The following SUPT3H variants were observed in gnomAD, a reference collection of about 807,000 sequenced individuals.
SUPT3H encodes SPT3 homolog, SAGA and STAGA complex component.
A neutral mutation model predicts 44.3 loss-of-function variants in SUPT3H; 44 were observed. The ratio of observed to expected loss-of-function variants is 0.99; its 90% CI spans 0.78 to 1.28. The LOEUF (loss-of-function observed/expected upper bound fraction) is 1.28, where lower values mean the gene tolerates loss of function less well. SUPT3H is among the 50% of genes most tolerant of loss of function. The pLI is 0.00. For synonymous variants in SUPT3H, 124 were observed against 125.6 expected (o/e 0.99, Z 0.09); for missense variants, 380 against 387.1 (o/e 0.98, Z 0.15).
At chr6:45,028,450 ATTTTT>A (rs34404703) in intron 3 of SUPT3H, among the ~76,000 whole-genome samples, 4 of 147,894 alleles carry the variant, frequency 2.7e-5, no homozygotes, top group Non-Finnish European at 6.0e-5. Flanking sequence ...AAGCTTTCAG[ATTTTT>A]TTTTTTTTGA....
chr6:45,020,256 A>AC (rs1784924147), intron 4 of SUPT3H, among the ~76,000 whole-genome samples: 1 of 152,004 alleles, frequency 6.6e-6, no homozygotes, highest in Admixed American at 6.6e-5. Context: ...AACAGAACAT[A>AC]GAGTCAGTAT....
intron 2 of SUPT3H, among the ~76,000 whole-genome samples, chr6:45,276,517 G>C (rs2153664172): frequency 6.6e-6 from 1 of 152,108 alleles, no homozygotes; most frequent in East Asian, 1.9e-4. Flanking sequence ...TTTTCCATGT[G>C]GTTTTGCAAT....
intron 3 of SUPT3H, among the ~76,000 whole-genome samples, chr6:45,028,192 A>G (rs1786328732): frequency 3.3e-5 from 5 of 152,196 alleles, no homozygotes; most frequent in Admixed American, 3.3e-4. Context: ...TAGGATTTCT[A>G]ATACTGGAGA....
intron 2 of SUPT3H, among the ~76,000 whole-genome samples, chr6:45,205,815 A>C (rs6941169): frequency 0.55 from 66,891 of 121,708 alleles, 14,998 homozygotes; most frequent in East Asian, 0.72. Context: ...CAAAACAAAA[A>C]AAAAAACCAG....
At chr6:44,838,917 A>C (rs759903930) in intron 10 of SUPT3H, among the ~76,000 whole-genome samples, 1 of 152,190 alleles carries the variant, frequency 6.6e-6, no homozygotes, top group African/African-American at 2.4e-5. Flanking sequence ...TATATTTCTA[A>C]AACAGAGTTG....
chr6:44,970,157 T>C (rs1303469643), intron 6 of SUPT3H, among the ~76,000 whole-genome samples: 1 of 152,076 alleles, frequency 6.6e-6, no homozygotes, highest in Non-Finnish European at 1.5e-5. Flanking sequence ...CTATCAAGAG[T>C]GGGCATTAAT....
rs1047419948 is a variant in SUPT3H at position 45,246,720 on chromosome 6, C to T, written c.101+118481G>A. 4.6e-5 allele frequency among the ~76,000 whole-genome samples: 7 copies of T among 152,052 alleles called. No homozygotes were observed. In the East Asian group the frequency reaches 1.3e-3, roughly 29 times the overall value. On this transcript the variant is annotated intron_variant, in intron 2 of 10. Transcript: ENST00000371459. The stretch of plus-strand genomic sequence containing the variant: ...CCAAGTAATCAGAAATTGTAAAACA[C>T]GTATCTAAGCAATTCACGGGTCAAG...
intron 2 of SUPT3H, among the ~76,000 whole-genome samples, chr6:45,243,898 T>C (rs1770855672): frequency 6.6e-6 from 1 of 152,220 alleles, no homozygotes; most frequent in South Asian, 2.1e-4. Flanking sequence ...TTAATTTTAT[T>C]TGAGACAAGG....
intron 2 of SUPT3H, among the ~76,000 whole-genome samples, chr6:45,280,859 G>A (rs548616504): frequency 3.9e-5 from 6 of 152,236 alleles, no homozygotes; most frequent in African/African-American, 1.4e-4. Flanking sequence ...CAACAGAGTG[G>A]TTAAACATTC....
chr6:45,021,891 GAAATTT>G (rs1785188593), intron 3 of SUPT3H, among the ~76,000 whole-genome samples: 1 of 151,846 alleles, frequency 6.6e-6, no homozygotes, highest in Non-Finnish European at 1.5e-5. Flanking sequence ...TCTAAATATA[GAAATTT>G]AAATTTAACT....
intron 2 of SUPT3H, among the ~76,000 whole-genome samples, chr6:45,127,621 T>G (rs928865125): frequency 1.3e-5 from 2 of 152,206 alleles, no homozygotes; most frequent in Non-Finnish European, 2.9e-5. Context: ...TTTCTTCATG[T>G]AGCTAGGAGT....
intron 2 of SUPT3H, among the ~76,000 whole-genome samples, chr6:45,241,246 G>T (rs1481947919): frequency 6.6e-6 from 1 of 152,046 alleles, no homozygotes; most frequent in African/African-American, 2.4e-5. Context: ...CCCAAAACTG[G>T]CCATAAACAA....
At chr6:44,826,341 C>CTTGAG (rs1446745675), downstream of SUPT3H, among the ~76,000 whole-genome samples, 3 of 152,174 alleles carry the variant, frequency 2.0e-5, no homozygotes, top group Non-Finnish European at 4.4e-5. Flanking sequence ...AAAGTTTCAT[C>CTTGAG]TTGAGTTTCA....
rs545449482 is a variant in SUPT3H, at chr6:44,993,093, G to A, written c.504+10560C>T. ...CTAGAGGATCGATCAAGCCTGGGAG[G>A]TTGAGGCTGCAGTGAGCTGTGATTG... On this transcript the variant is annotated intron_variant, in intron 6 of 10. Transcript: ENST00000371459. Among the ~76,000 whole-genome samples the A allele has an allele frequency of 2.4e-4, 36 of 152,242 alleles. 1 individual carries two copies. In the South Asian group the frequency reaches 5.4e-3, roughly 23 times the overall value.
intron 2 of SUPT3H, among the ~76,000 whole-genome samples, chr6:45,289,539 T>C (rs1457824590): frequency 6.6e-6 from 1 of 152,194 alleles, no homozygotes. Flanking sequence ...GTTTTTGTCT[T>C]ATCTTCCCTG....
At chr6:45,143,526 T>C (rs1309609204) in intron 2 of SUPT3H, among the ~76,000 whole-genome samples, 1 of 151,936 alleles carries the variant, frequency 6.6e-6, no homozygotes, top group Non-Finnish European at 1.5e-5. Context: ...ACAAAACTCA[T>C]CAAAATCTGG....
chr6:45,179,650 C>T lies in SUPT3H; in HGVS notation c.102-73644G>A, dbSNP rs534961876. Among the ~76,000 whole-genome samples, 217 of 152,276 alleles carry T rather than the reference C, an allele frequency of 1.4e-3. 1 individual carries two copies. Among genetic ancestry groups the T allele is most frequent in the Middle Eastern group, 3.4e-3 (1 of 294 alleles). ...AACCACATGATTATCTCAATAGATG[C>T]AGAAAAGGCCTTTGACAAAATTCAA... On this transcript the variant is annotated intron_variant, in intron 2 of 10. Coordinates refer to ENST00000371459, the MANE Select transcript of SUPT3H (RefSeq NM_003599.4).
chr6:45,307,083 C>T (rs1418451835), intron 2 of SUPT3H, among the ~76,000 whole-genome samples: 1 of 152,230 alleles, frequency 6.6e-6, no homozygotes, highest in Non-Finnish European at 1.5e-5. Context: ...GGGTGCCCGC[C>T]ATTGCTGAGG....
intron 1 of SUPT3H, among the ~76,000 whole-genome samples, chr6:45,369,386 G>C (rs1398853859): frequency 6.6e-6 from 1 of 152,058 alleles, no homozygotes; most frequent in Non-Finnish European, 1.5e-5. Context: ...TTCTTTCTCT[G>C]ACATCTAATT....
Sources: allele counts gnomAD v4.1 joint callset (sites outside exome capture counted in the v4.1 genomes callset), GRCh38; gene constraint gnomAD v4.1.1; transcripts MANE v1.5; gene names NCBI Gene and HGNC (gene_info 2026-07-23, HGNC 2026-07-21).